The following PCYOX1L variants were observed in gnomAD, a reference collection of about 807,000 sequenced individuals.
PCYOX1L encodes prenylcysteine oxidase 1 like.
A neutral mutation model predicts 44.1 loss-of-function variants in PCYOX1L; 40 were observed. The observed-to-expected ratio is 0.91, with a 90% CI of 0.70 to 1.18. The LOEUF is 1.18. Ranked by LOEUF, PCYOX1L falls within the 50% of genes most tolerant of loss-of-function variation. PCYOX1L has a pLI of 0.00. For missense variants in PCYOX1L, 605 were observed against 653.3 expected (o/e 0.93, Z 0.81); for synonymous variants, 266 against 282.8 (o/e 0.94, Z 0.60).
rs945072474 is a variant in PCYOX1L at position 149,358,065 on chromosome 5, C to A, written c.-4C>A. On this transcript the variant is annotated 5_prime_UTR_variant, in exon 1 of 6. Transcript: ENST00000274569. Reference sequence around the variant, plus strand: ...TCCGGCGTGCTGCCCGCTCGCCGCCCGCCATGGCCCGCGCAGCCCCGCTGC... The same window carrying A: ...TCCGGCGTGCTGCCCGCTCGCCGCCAGCCATGGCCCGCGCAGCCCCGCTGC... 7 of 1,347,018 alleles carry A rather than the reference C, an allele frequency of 5.2e-6. No individual in the cohort carries two copies. The highest frequency in any genetic ancestry group is 1.9e-5 in the South Asian group (1 of 53,828). The allele number at this position is 1,347,018 out of a possible 1,614,324, so 83.4% of individuals were successfully genotyped here.
chr5:149,362,413 T>G, intron 1 of PCYOX1L: 1 of 551,440 alleles, frequency 1.8e-6, no homozygotes, highest in Non-Finnish European at 3.2e-6. Flanking sequence ...TACCTTTTTC[T>G]TTATGAAACG....
chr5:149,367,817 T>A (rs1207437836), intron 5 of PCYOX1L, among the ~76,000 whole-genome samples, 176 bp from the exon 6 acceptor site: 2 of 152,180 alleles, frequency 1.3e-5, no homozygotes, highest in African/African-American at 4.8e-5. Context: ...CCTGACTCCA[T>A]GCCCCTTGCT....
In PCYOX1L at chr5:149,368,742, C is replaced by T; in HGVS notation, c.*88C>T. 2.3e-6 allele frequency: 3 copies of T among 1,329,398 alleles called. No individual in the cohort carries two copies. Among genetic ancestry groups the T allele is most frequent in the African/African-American group, 1.5e-5 (1 of 68,498 alleles). The allele number at this position is 1,329,398 out of a possible 1,614,324, so 82.4% of individuals were successfully genotyped here. On this transcript the variant is annotated 3_prime_UTR_variant, in exon 6 of 6. Coordinates refer to ENST00000274569, the MANE Select transcript of PCYOX1L (RefSeq NM_024028.4). ...CCAGGACTGAATAAGCCATGCTCGC[C>T]CACCAGGCTTCTTTCTGACCCCTCA...
At position 149,364,053 on chromosome 5, in the gene PCYOX1L, G is replaced by A. The variant is rs903229894; in HGVS notation, c.313G>A (p.Glu105Lys). The part of the protein sequence containing the change: ...VKLLGLRHRR[E>K]VVGRSAIFGG... Reference sequence around the variant, plus strand: ...CTCTGCAGGGCTGAGGCACCGGCGCGAGGTGGTGGGCAGGAGCGCCATCTT... The same window carrying A: ...CTCTGCAGGGCTGAGGCACCGGCGCAAGGTGGTGGGCAGGAGCGCCATCTT... The change falls in exon 3 of 6, where the codon GAG becomes AAG. Residue 105 changes from glutamate to lysine, a missense_variant. Transcript: ENST00000274569. 8 of 1,614,014 alleles carry A rather than the reference G, an allele frequency of 5.0e-6. No individual in the cohort carries two copies. The highest frequency in any genetic ancestry group is 2.2e-5 in the East Asian group (1 of 44,878).
At chr5:149,358,556 G>GA (rs1757919167) in intron 1 of PCYOX1L, among the ~76,000 whole-genome samples, 1 of 152,070 alleles carries the variant, frequency 6.6e-6, no homozygotes, top group Non-Finnish European at 1.5e-5. Flanking sequence ...TTCCTGCTGG[G>GA]GTAGAGCCCT....
In PCYOX1L at chr5:149,369,325, G is replaced by A. The variant is rs1011276032; in HGVS notation, c.*671G>A. 2.0e-5 allele frequency: 3 copies of A among 152,188 alleles called. No individual in the cohort carries two copies. The highest frequency in any genetic ancestry group is 4.4e-5 in the Non-Finnish European group (3 of 68,038). 9.4% of individuals were successfully genotyped at this position (152,188 alleles called of 1,614,324 possible). A position where few individuals can be genotyped will look rare whatever the true frequency, so the allele number is the denominator to read the frequency against. ...AGCTTCCTGGCAACCAGTGGGAAAA[G>A]AAACATGCGAGGCTGTAGGAAGAGG... On this transcript the variant is annotated 3_prime_UTR_variant, in exon 6 of 6. Coordinates refer to ENST00000274569, the MANE Select transcript of PCYOX1L (RefSeq NM_024028.4).
Position 149,367,515 on chromosome 5 carries a change from C to A in PCYOX1L, c.823+15C>A. 6.2e-7 allele frequency: 1 copy of A among 1,610,444 alleles called. No individual in the cohort carries two copies. Among genetic ancestry groups the A allele is most frequent in the Non-Finnish European group, 8.5e-7 (1 of 1,178,840 alleles). On this transcript the variant is annotated intron_variant, in intron 5 of 5. Coordinates refer to ENST00000274569, the MANE Select transcript of PCYOX1L (RefSeq NM_024028.4). ...GCACAGCACAGGTGAGTAGACAGGG[C>A]GGGAGTGGGCAGGCATGCCATTCCC...
intron 1 of PCYOX1L, among the ~76,000 whole-genome samples, chr5:149,360,942 A>T (rs1250755959): frequency 6.6e-6 from 1 of 152,230 alleles, no homozygotes; most frequent in African/African-American, 2.4e-5. Flanking sequence ...TGGGTCCAGT[A>T]AGGACAAATT....
rs764632833 is a variant in PCYOX1L at position 149,367,500 on chromosome 5, G to A, written c.823G>A (p.Glu275Lys). 3.1e-6 allele frequency: 5 copies of A among 1,613,004 alleles called. No individual in the cohort carries two copies. The highest frequency in any genetic ancestry group is 3.4e-6 in the Non-Finnish European group (4 of 1,179,584). The change falls in exon 5 of 6, where the codon GAG becomes AAG. Residue 275 changes from glutamate (E) to lysine (K), a missense_variant and splice_region_variant. Physicochemically the swap from Glu to Lys is moderately conservative, Grantham distance 56. Transcript: ENST00000274569. ...TVTSVTLHST[E>K]GKALYQVAYE... ...GACCTCTGTGACCCTGCACAGCACA[G>A]GTGAGTAGACAGGGCGGGAGTGGGC...
In PCYOX1L at chr5:149,368,386, A is replaced by T. The variant is rs760363307; in HGVS notation, c.1217A>T (p.Gln406Leu). ...VQSPKPLFRT[Q>L]LKTLFRSYYS... ...TCCCCCAAGCCCCTCTTTCGGACCC[A>T]GCTAAAGACCCTGTTCCGTTCCTAT... Residue 406 changes from glutamine (Q) to leucine (L), a missense_variant, in exon 6 of 6, where the codon CAG (glutamine) becomes CTG (leucine). Transcript: ENST00000274569. 2.5e-6 allele frequency: 4 copies of T among 1,614,174 alleles called. No homozygotes were observed. The highest frequency in any genetic ancestry group is 4.5e-5 in the East Asian group (2 of 44,878).
intron 5 of PCYOX1L, 139 bp downstream of exon 5, chr5:149,367,639 T>C: frequency 1.6e-6 from 2 of 1,253,364 alleles, no homozygotes; most frequent in African/African-American, 1.5e-5. Context: ...GCCCCAACCC[T>C]GCCAGGTGAC....
At position 149,368,056 on chromosome 5, in the gene PCYOX1L, A is replaced by T; in HGVS notation, c.887A>T (p.Asp296Val). 1 of 1,592,446 alleles carries T rather than the reference A, an allele frequency of 6.3e-7. No individual in the cohort carries two copies. Among genetic ancestry groups the T allele is most frequent in the Non-Finnish European group, 8.5e-7 (1 of 1,170,022 alleles). Reference sequence around the variant, plus strand: ...GTAGGCAACAGCTCTGACTTCTATGACATCGTGGTCATCGCCACCCCCCTG... The same window carrying T: ...GTAGGCAACAGCTCTGACTTCTATGTCATCGTGGTCATCGCCACCCCCCTG... Reference protein sequence around the residue: ...NEVGNSSDFYDIVVIATPLHL... With the variant: ...NEVGNSSDFYVIVVIATPLHL... The change falls in exon 6 of 6, where the codon GAC becomes GTC. Residue 296 changes from aspartate (D) to valine (V), a missense_variant. Asp to Val is a radical substitution (Grantham distance 152, BLOSUM62 -3). Coordinates refer to ENST00000274569, the MANE Select transcript of PCYOX1L (RefSeq NM_024028.4).
At position 149,358,163 on chromosome 5, in the gene PCYOX1L, G is replaced by A; in HGVS notation, c.88+7G>A. The A allele has an allele frequency of 1.4e-6, 2 of 1,446,404 alleles. No individual in the cohort carries two copies. The highest frequency in any genetic ancestry group is 9.1e-7 in the Non-Finnish European group (1 of 1,101,846). The allele number at this position is 1,446,404 out of a possible 1,614,324, so 89.6% of individuals were successfully genotyped here. On this transcript the variant is annotated splice_region_variant and intron_variant, in intron 1 of 5. Transcript: ENST00000274569. ...GCCCCGCCGGGCAAAATCGGTGCGG[G>A]AAGGACGCGGTGGGGTTCCCAGCTG...
intron 1 of PCYOX1L, 124 bp downstream of exon 1, chr5:149,358,280 T>C: frequency 8.0e-7 from 1 of 1,250,092 alleles, no homozygotes; most frequent in Non-Finnish European, 1.0e-6. Context: ...GAAAAGGAGC[T>C]GGGTGGAGGA....
At chr5:149,365,139 C>T (rs1003018623) in intron 3 of PCYOX1L, 1 of 152,306 alleles carries the variant, frequency 6.6e-6, no homozygotes, top group Non-Finnish European at 1.5e-5. Context: ...TCACCCAAAG[C>T]TTATTTCCTT....
chr5:149,362,335 A>C (rs1035345122), intron 1 of PCYOX1L: 5 of 390,034 alleles, frequency 1.3e-5, no homozygotes, highest in African/African-American at 2.0e-5. Context: ...TTTATATAAA[A>C]CTAAATTTAT....
At chr5:149,366,212 T>A in intron 4 of PCYOX1L, 59 bp downstream of exon 4, 1 of 1,562,238 alleles carries the variant, frequency 6.4e-7, no homozygotes, top group African/African-American at 1.3e-5. Context: ...GTGCTCAGAA[T>A]GGGCTGGGGG....
chr5:149,363,820 A>G, intron 2 of PCYOX1L: 3 of 554,468 alleles, frequency 5.4e-6, no homozygotes, highest in South Asian at 2.7e-5. Flanking sequence ...CCTCCTGGGG[A>G]AAAAAAATGT....
chr5:149,364,031 T>C lies in PCYOX1L; in HGVS notation c.296-5T>C, dbSNP rs1457489113. 1 of 1,613,722 alleles carries C rather than the reference T, an allele frequency of 6.2e-7. No homozygotes were observed. Among genetic ancestry groups the C allele is most frequent in the East Asian group, 2.2e-5 (1 of 44,872 alleles). On this transcript the variant is annotated splice_polypyrimidine_tract_variant and splice_region_variant and intron_variant, in intron 2 of 5. Transcript: ENST00000274569. ...GACCTGAGGGGCTCCTCTTTGTCTCTGCAGGGCTGAGGCACCGGCGCGAGG... is the reference window on the plus strand; with the variant it reads ...GACCTGAGGGGCTCCTCTTTGTCTCCGCAGGGCTGAGGCACCGGCGCGAGG...
Sources: allele counts gnomAD v4.1 joint callset (sites outside exome capture counted in the v4.1 genomes callset), GRCh38; gene constraint gnomAD v4.1.1; transcripts MANE v1.5; gene names NCBI Gene and HGNC (gene_info 2026-07-23, HGNC 2026-07-21).